The following FGF1 variants were observed in gnomAD, a reference collection of about 807,000 sequenced individuals.
FGF1 encodes the protein fibroblast growth factor 1.
FGF1 carries 9 observed loss-of-function variants against 13.4 expected under a neutral mutation model. The observed-to-expected ratio is 0.67, with a 90% CI of 0.40 to 1.17. FGF1 has a LOEUF of 1.17. Among genes scored for constraint, FGF1 ranks in the 50% most tolerant of loss-of-function variants. The pLI is 0.01. For synonymous variants in FGF1, 93 were observed against 79.0 expected (o/e 1.18, Z -0.94); for missense variants, 156 against 192.7 (o/e 0.81, Z 1.13).
chr5:142,688,512 G>A (rs914321002), upstream of FGF1, among the ~76,000 whole-genome samples: 13 of 152,286 alleles, frequency 8.5e-5, 1 homozygote, highest in African/African-American at 2.2e-4. Flanking sequence ...AATAATAGCC[G>A]TCGAAGCTGC....
rs1395641993 is a variant in FGF1 at position 142,614,176 on chromosome 5, A to G, written c.-34-15T>C. 2 of 1,603,702 alleles carry G rather than the reference A, an allele frequency of 1.2e-6. No individual in the cohort carries two copies. Among genetic ancestry groups the G allele is most frequent in the South Asian group, 1.1e-5 (1 of 90,420 alleles). Reference sequence around the variant, plus strand: ...CGCTTTCAAGACTGTAAGAAATTGAACAAACCTGTAGTCGGTTCTTCCAGC... The same window carrying G: ...CGCTTTCAAGACTGTAAGAAATTGAGCAAACCTGTAGTCGGTTCTTCCAGC... On this transcript the variant is annotated splice_polypyrimidine_tract_variant and intron_variant, in intron 1 of 3. Coordinates refer to ENST00000337706, the MANE Select transcript of FGF1 (RefSeq NM_000800.5).
At chr5:142,633,641 A>T (rs1205584678) in intron 1 of FGF1, among the ~76,000 whole-genome samples, 13 of 152,242 alleles carry the variant, frequency 8.5e-5, no homozygotes, top group Non-Finnish European at 1.3e-4. Context: ...GCCGGAGTCC[A>T]GTGTGCCCCA....
chr5:142,674,960 G>A (rs1772234239), intron 1 of FGF1, among the ~76,000 whole-genome samples: 1 of 152,132 alleles, frequency 6.6e-6, no homozygotes, highest in African/African-American at 2.4e-5. Context: ...TCCAGCGTGG[G>A]AGCCGAACCT....
At chr5:142,687,978 T>A, upstream of FGF1, among the ~76,000 whole-genome samples, 1 of 152,212 alleles carries the variant, frequency 6.6e-6, no homozygotes, top group East Asian at 1.9e-4. Context: ...ATCATGACAA[T>A]CAAATGTGTC....
chr5:142,692,852 A>C lies in FGF1; in HGVS notation c.-35+4770T>G, dbSNP rs1386201233. On this transcript the variant is annotated intron_variant, in intron 2 of 4. Coordinates refer to the FGF1 transcript ENST00000407758. Reference sequence around the variant, plus strand: ...CAAACAAACAAACAAACAAACAAACAAACAAACCCAATCTGGATCCCCAGT... The same window carrying C: ...CAAACAAACAAACAAACAAACAAACCAACAAACCCAATCTGGATCCCCAGT... Among the ~76,000 whole-genome samples, 4 of 151,896 alleles carry C rather than the reference A, an allele frequency of 2.6e-5. No individual in the cohort carries two copies. In the East Asian group the frequency reaches 5.8e-4, roughly 22 times the overall value.
chr5:142,661,978 C>T (rs972896308), intron 1 of FGF1, among the ~76,000 whole-genome samples: 6 of 151,556 alleles, frequency 4.0e-5, no homozygotes, highest in African/African-American at 1.2e-4. Flanking sequence ...CCAGCCTGGG[C>T]GACAGAGCAA....
intron 1 of FGF1, among the ~76,000 whole-genome samples, chr5:142,614,726 CTTCTGGATTT>C (rs1288123038): frequency 1.3e-5 from 2 of 152,160 alleles, no homozygotes; most frequent in African/African-American, 4.8e-5. Flanking sequence ...TTAAGGGAAG[CTTCTGGATTT>C]GCTGGGGGAA....
upstream of FGF1, among the ~76,000 whole-genome samples, chr5:142,689,563 G>T (rs1407144377): frequency 6.6e-6 from 1 of 152,112 alleles, no homozygotes; most frequent in Non-Finnish European, 1.5e-5. Flanking sequence ...CTTGCCCGCC[G>T]CTGGTTAGCC....
intron 1 of FGF1, among the ~76,000 whole-genome samples, chr5:142,620,300 C>T (rs1348067122): frequency 6.6e-6 from 1 of 151,950 alleles, no homozygotes; most frequent in Non-Finnish European, 1.5e-5. Flanking sequence ...CGCCTGTAGT[C>T]CCAGCTGCTG....
intron 1 of FGF1, among the ~76,000 whole-genome samples, chr5:142,634,547 G>A (rs1400204846): frequency 1.3e-5 from 2 of 152,216 alleles, no homozygotes; most frequent in African/African-American, 4.8e-5. Flanking sequence ...TGTGACTATA[G>A]GCCAGTTGCT....
intron 1 of FGF1, among the ~76,000 whole-genome samples, chr5:142,617,438 A>G (rs925390839): frequency 6.6e-6 from 1 of 151,930 alleles, no homozygotes. Flanking sequence ...AGACTTCATC[A>G]CTGTGGAGTT....
upstream of FGF1, among the ~76,000 whole-genome samples, chr5:142,689,474 G>A (rs1301449126): frequency 6.6e-6 from 1 of 152,116 alleles, no homozygotes; most frequent in African/African-American, 2.4e-5. Context: ...CACCAGAACT[G>A]CAGGACAGAA....
chr5:142,659,252 C>G (rs1768744952), intron 1 of FGF1, among the ~76,000 whole-genome samples: 1 of 136,186 alleles, frequency 7.3e-6, no homozygotes, highest in Admixed American at 7.7e-5. Flanking sequence ...TTTTTTGAGA[C>G]AGGGTCTCGC....
chr5:142,660,652 G>A (rs1268060502), intron 1 of FGF1, among the ~76,000 whole-genome samples: 1 of 152,120 alleles, frequency 6.6e-6, no homozygotes, highest in African/African-American at 2.4e-5. Flanking sequence ...CATGCTGCAG[G>A]GCTGCCCTGC....
intron 1 of FGF1, among the ~76,000 whole-genome samples, chr5:142,681,654 G>A (rs1773713921): frequency 6.6e-6 from 1 of 152,230 alleles, no homozygotes; most frequent in East Asian, 1.9e-4. Flanking sequence ...GTGCCTCTCA[G>A]GACACCTCTC....
At chr5:142,673,309 G>T (rs1771857466) in intron 1 of FGF1, among the ~76,000 whole-genome samples, 1 of 152,134 alleles carries the variant, frequency 6.6e-6, no homozygotes, top group Admixed American at 6.5e-5. Flanking sequence ...GAATAGTGGA[G>T]TTGGTCCATT....
At chr5:142,677,997 G>A (rs896390108) in intron 1 of FGF1, among the ~76,000 whole-genome samples, 1 of 152,168 alleles carries the variant, frequency 6.6e-6, no homozygotes, top group African/African-American at 2.4e-5. Context: ...AAAGAGGCCT[G>A]CTACCTGAAG....
intron 2 of FGF1, among the ~76,000 whole-genome samples, chr5:142,606,244 G>GTGTGTA (rs757287377): frequency 0.034 from 5,098 of 147,814 alleles, 120 homozygotes; most frequent in Middle Eastern, 0.066. Context: ...GTGTGTGTGT[G>GTGTGTA]TATGTAGTTT....
intron 2 of FGF1, among the ~76,000 whole-genome samples, chr5:142,608,246 C>T (rs996694770): frequency 2.6e-5 from 4 of 152,048 alleles, no homozygotes; most frequent in African/African-American, 9.7e-5. Flanking sequence ...TCTAAGCCTG[C>T]TTTCCGCCTC....
Sources: allele counts gnomAD v4.1 joint callset (sites outside exome capture counted in the v4.1 genomes callset), GRCh38; gene constraint gnomAD v4.1.1; transcripts MANE v1.5; gene names NCBI Gene and HGNC (gene_info 2026-07-23, HGNC 2026-07-21).